The following BCDIN3D variants were observed in gnomAD, a reference collection of about 807,000 sequenced individuals.
BCDIN3D encodes RNA 5'-monophosphate methyltransferase.
Under a neutral mutation model 21.2 loss-of-function variants are expected in BCDIN3D, and 15 were observed. That is an observed-to-expected ratio of 0.71 (90% CI 0.47 to 1.09). BCDIN3D has a LOEUF of 1.09. BCDIN3D is among the 50% of genes least tolerant of loss of function. The probability of loss-of-function intolerance (pLI) is 0.00; values close to 1 mark genes in which losing one functional copy is unlikely to be tolerated. For missense variants in BCDIN3D, 331 were observed against 366.2 expected (o/e 0.90, Z 0.79); for synonymous variants, 127 against 141.9 (o/e 0.90, Z 0.75).
At chr12:49,840,990 T>G (rs183628585) in intron 1 of BCDIN3D, 1 of 151,846 alleles carries the variant, frequency 6.6e-6, no homozygotes, top group East Asian at 1.9e-4. Context: ...CCTGGCTAAT[T>G]TTTTTTAGAG....
rs540179172 is a variant in BCDIN3D at position 49,841,901 on chromosome 12, T to C, written c.234+953A>G. On this transcript the variant is annotated intron_variant, in intron 1 of 1. Transcript: ENST00000333924. ...TCAGACTGCCTGCTAGTGTAGAATA[T>C]CCCAGTGGCTACAAATAGGTGTGGG... Among the ~76,000 whole-genome samples the C allele has an allele frequency of 1.4e-4, 21 of 152,330 alleles. No homozygotes were observed. The South Asian group carries it at 1.9e-3, about 14-fold the overall frequency.
intron 1 of BCDIN3D, chr12:49,839,376 G>A (rs1592772382): frequency 9.2e-6 from 2 of 218,106 alleles, no homozygotes; most frequent in East Asian, 1.2e-4. Flanking sequence ...AGACCCCAGG[G>A]CGGAAGAAAG....
In BCDIN3D at chr12:49,842,998, C is replaced by A; in HGVS notation, c.90G>T (p.Pro30=). 1 of 1,614,186 alleles carries A rather than the reference C, an allele frequency of 6.2e-7. No homozygotes were observed. Among genetic ancestry groups the A allele is most frequent in the Non-Finnish European group, 8.5e-7 (1 of 1,180,042 alleles). Residue 30 remains proline, a synonymous_variant, in exon 1 of 2, where the codon CCG becomes CCT. Transcript: ENST00000333924. Reference sequence around the variant, plus strand: ...GAGAATAATGAGGAAAATTTCCGAACGGGGCGGCGCCAGGTGCCAGAACTC... The same window carrying A: ...GAGAATAATGAGGAAAATTTCCGAAAGGGGCGGCGCCAGGTGCCAGAACTC... ...ESRVLAPGAA[P]FGNFPHYSRF...
rs1187203624 is a variant in BCDIN3D, at chr12:49,837,685, A to G, written c.*686T>C. ...ACCGTAAGCACTCAAAGTATGGTCT[A>G]CCTCTGCTTGCCTCAGAATCATCTG... On this transcript the variant is annotated 3_prime_UTR_variant, in exon 2 of 2. Coordinates refer to ENST00000333924, the MANE Select transcript of BCDIN3D (RefSeq NM_181708.3). 1 of 151,806 alleles carries G rather than the reference A, an allele frequency of 6.6e-6. No homozygotes were observed. The highest frequency in any genetic ancestry group is 1.5e-5 in the Non-Finnish European group (1 of 68,028). 9.4% of individuals were successfully genotyped at this position (151,806 alleles called of 1,614,324 possible). A position where few individuals can be genotyped will look rare whatever the true frequency, so the allele number is the denominator to read the frequency against.
At position 49,838,948 on chromosome 12, in the gene BCDIN3D, G is replaced by C; in HGVS notation, c.302C>G (p.Ser101Ter). 6.2e-7 allele frequency: 1 copy of C among 1,614,146 alleles called. No individual in the cohort carries two copies. Among genetic ancestry groups the C allele is most frequent in the Non-Finnish European group, 8.5e-7 (1 of 1,180,036 alleles). The change falls in exon 2 of 2, where the codon TCA becomes TGA. Residue 101 changes from serine to a stop codon, truncating the protein, a stop_gained. Coordinates refer to ENST00000333924, the MANE Select transcript of BCDIN3D (RefSeq NM_181708.3). LOFTEE classifies it high-confidence loss of function. ...LPDGETCSDASREFRLLCCDI... is the reference protein window; with the variant it reads ...LPDGETCSDA ...GCAGCAGAGGAGACGGAATTCTCTT[G>C]AGGCATCTGAGCAGGTTTCCCCGTC...
chr12:49,838,922 C>T lies in BCDIN3D; in HGVS notation c.328G>A (p.Asp110Asn), dbSNP rs777849774. ...CGCTTCACCAGGACTGGATCTATGT[C>T]GCAGCAGAGGAGACGGAATTCTCTT... ...ASREFRLLCCDIDPVLVKRAE... is the reference protein window; with the variant it reads ...ASREFRLLCCNIDPVLVKRAE... The change falls in exon 2 of 2, where the codon GAC becomes AAC. Residue 110 changes from aspartate to asparagine, a missense_variant. Asp to Asn is a conservative substitution (Grantham distance 23). Coordinates refer to ENST00000333924, the MANE Select transcript of BCDIN3D (RefSeq NM_181708.3). 7.4e-6 allele frequency: 12 copies of T among 1,613,992 alleles called. No individual in the cohort carries two copies. In the Admixed American group the frequency reaches 1.0e-4, roughly 13 times the overall value.
Position 49,838,713 on chromosome 12 carries a change from T to G in BCDIN3D, c.537A>C (p.Leu179=). The change falls in exon 2 of 2, where the codon CTA becomes CTC. Residue 179 remains leucine (L), a synonymous_variant. Coordinates refer to ENST00000333924, the MANE Select transcript of BCDIN3D (RefSeq NM_181708.3). ...WIHLNHGDHG[L]WEFLAHLSSL... The stretch of plus-strand genomic sequence containing the variant: ...AGGAAAGATGGGCCAGGAACTCCCA[T>G]AGGCCATGGTCTCCATGATTCAGAT... 1.2e-6 allele frequency: 2 copies of G among 1,614,072 alleles called. No homozygotes were observed. Among genetic ancestry groups the G allele is most frequent in the Non-Finnish European group, 1.7e-6 (2 of 1,179,958 alleles).
intron 1 of BCDIN3D, among the ~76,000 whole-genome samples, chr12:49,842,140 G>T (rs961557941): frequency 6.6e-5 from 10 of 152,196 alleles, no homozygotes; most frequent in African/African-American, 2.4e-4. Context: ...GAGTGCAGTG[G>T]CACTAGCTCG....
In BCDIN3D at chr12:49,838,902, C is replaced by T; in HGVS notation, c.348G>A (p.Val116=). The T allele has an allele frequency of 6.2e-7, 1 of 1,614,202 alleles. No homozygotes were observed. Among genetic ancestry groups the T allele is most frequent in the African/African-American group, 1.3e-5 (1 of 75,052 alleles). Residue 116 remains valine (V), a synonymous_variant, in exon 2 of 2, where the codon GTG becomes GTA. Transcript: ENST00000333924. The stretch of plus-strand genomic sequence containing the variant: ...AAGGACATTCTTTTTCGGCTCGCTT[C>T]ACCAGGACTGGATCTATGTCGCAGC... ...LLCCDIDPVL[V]KRAEKECPFP...
chr12:49,842,915 A>G lies in BCDIN3D; in HGVS notation c.173T>C (p.Leu58Pro), dbSNP rs1222280046. Residue 58 changes from leucine (L) to proline (P), a missense_variant, in exon 1 of 2, where the codon CTC becomes CCC. Coordinates refer to ENST00000333924, the MANE Select transcript of BCDIN3D (RefSeq NM_181708.3). The part of the protein sequence containing the change: ...RLLPPELLRQ[L>P]FPESPENGPI... ...CCCGTTCTCGGGACTCTCAGGAAAG[A>G]GCTGTCGAAGCAGCTCCGGGGGCAG... 4 of 1,613,994 alleles carry G rather than the reference A, an allele frequency of 2.5e-6. No individual in the cohort carries two copies. Among genetic ancestry groups the G allele is most frequent in the Middle Eastern group, 3.3e-4 (2 of 6,062 alleles).
At chr12:49,842,775 C>G (rs927017630) in intron 1 of BCDIN3D, 79 bp downstream of exon 1, 1 of 1,307,306 alleles carries the variant, frequency 7.6e-7, no homozygotes, top group African/African-American at 1.5e-5. Flanking sequence ...TGGGTGTTAG[C>G]CCAGGCCAGA....
Position 49,838,340 on chromosome 12 carries a change from A to G in BCDIN3D, c.*31T>C. The G allele has an allele frequency of 1.9e-6, 3 of 1,572,132 alleles. No individual in the cohort carries two copies. Among genetic ancestry groups the G allele is most frequent in the Non-Finnish European group, 1.7e-6 (2 of 1,165,374 alleles). ...TAATTCTCAATATAAAACCCTTTCA[A>G]TATCTTTCTTGGTCTTCTTGCCCTC... On this transcript the variant is annotated 3_prime_UTR_variant, in exon 2 of 2. Coordinates refer to ENST00000333924, the MANE Select transcript of BCDIN3D (RefSeq NM_181708.3).
In BCDIN3D at chr12:49,836,963, G is replaced by C. The variant is rs1437432924; in HGVS notation, c.*1408C>G. On this transcript the variant is annotated 3_prime_UTR_variant, in exon 2 of 2. Transcript: ENST00000333924. Reference sequence around the variant, plus strand: ...ACTTTAATATAGGAACCTCCCACCAGGCACCGGACACATGTATGGAATGAA... The same window carrying C: ...ACTTTAATATAGGAACCTCCCACCACGCACCGGACACATGTATGGAATGAA... 6.6e-6 allele frequency: 1 copy of C among 152,172 alleles called. No homozygotes were observed. The highest frequency in any genetic ancestry group is 1.5e-5 in the Non-Finnish European group (1 of 68,038). The allele number at this position is 152,172 out of a possible 1,614,324, so 9.4% of individuals were successfully genotyped here. A position where few individuals can be genotyped will look rare whatever the true frequency, so the allele number is the denominator to read the frequency against.
At chr12:49,841,680 G>C (rs1946554448) in intron 1 of BCDIN3D, among the ~76,000 whole-genome samples, 1 of 152,118 alleles carries the variant, frequency 6.6e-6, no homozygotes, top group Admixed American at 6.5e-5. Context: ...CCTCATTCCA[G>C]TCTTTGAGAC....
rs975859781 is a variant in BCDIN3D, at chr12:49,837,022, C to G, written c.*1349G>C. 1 of 152,176 alleles carries G rather than the reference C, an allele frequency of 6.6e-6. No homozygotes were observed. Among genetic ancestry groups the G allele is most frequent in the Admixed American group, 6.5e-5 (1 of 15,280 alleles). The allele number at this position is 152,176 out of a possible 1,614,324, so 9.4% of individuals were successfully genotyped here. On this transcript the variant is annotated 3_prime_UTR_variant, in exon 2 of 2. Transcript: ENST00000333924. Reference sequence around the variant, plus strand: ...GTAATTGATAGAATTTGCTGCTGGACTTTGAGAGCATTTCAATGTGGGGGA... The same window carrying G: ...GTAATTGATAGAATTTGCTGCTGGAGTTTGAGAGCATTTCAATGTGGGGGA...
chr12:49,840,274 C>G (rs756088619), intron 1 of BCDIN3D: 3 of 151,820 alleles, frequency 2.0e-5, no homozygotes, highest in Non-Finnish European at 2.9e-5. Context: ...ATGATTCTCA[C>G]AAATACATAA....
At chr12:49,839,192 C>T in intron 1 of BCDIN3D, 177 bp from the exon 2 acceptor site, 1 of 625,354 alleles carries the variant, frequency 1.6e-6, no homozygotes, top group Non-Finnish European at 2.8e-6. Context: ...GCTCTCAGTG[C>T]CCTCCAGGGG....
At chr12:49,840,538 G>C (rs1044500530) in intron 1 of BCDIN3D, 6 of 152,222 alleles carry the variant, frequency 3.9e-5, no homozygotes, top group Non-Finnish European at 8.8e-5. Context: ...TTATTTTTGA[G>C]ACAGGATCTT....
At position 49,837,305 on chromosome 12, in the gene BCDIN3D, T is replaced by TTTTTTTTTTTTTC. The variant is rs1491584039; in HGVS notation, c.*1065_*1066insGAAAAAAAAAAAA. ...TTTTTGTTTTTTTTTTTTTTTTTTTTGAGACGGAGTCTCGCTCTGTCGCCC... is the reference window on the plus strand; with the variant it reads ...TTTTTGTTTTTTTTTTTTTTTTTTTTTTTTTTTTTTTTCGAGACGGAGTCTCGCTCTGTCGCCC... On this transcript the variant is annotated 3_prime_UTR_variant, in exon 2 of 2. Coordinates refer to ENST00000333924, the MANE Select transcript of BCDIN3D (RefSeq NM_181708.3). 2 of 103,138 alleles carry TTTTTTTTTTTTTC rather than the reference T, an allele frequency of 1.9e-5. No homozygotes were observed. The highest frequency in any genetic ancestry group is 5.5e-4 in the East Asian group (2 of 3,652). The allele number at this position is 103,138 out of a possible 1,614,324, so 6.4% of individuals were successfully genotyped here.
Sources: gnomAD v4.1 joint callset for allele counts (sites outside exome capture counted in the v4.1 genomes callset) on GRCh38, gnomAD v4.1.1 for gene constraint, MANE v1.5 for transcripts, NCBI Gene and HGNC (gene_info 2026-07-23, HGNC 2026-07-21) for gene names.